PDSS2: variants seen among roughly 807,000 people sequenced by gnomAD.
PDSS2 encodes all trans-polyprenyl-diphosphate synthase PDSS2.
A neutral mutation model predicts 44.5 loss-of-function variants in PDSS2; 31 were observed. That is an observed-to-expected ratio of 0.70 (90% CI 0.52 to 0.94). The LOEUF (loss-of-function observed/expected upper bound fraction) is 0.94, where lower values mean the gene tolerates loss of function less well. Ranked by LOEUF, PDSS2 falls within the 40% of genes least tolerant of loss-of-function variation. The pLI, the probability that PDSS2 is intolerant of heterozygous loss-of-function variation, is 0.00. For synonymous variants in PDSS2, 157 were observed against 180.3 expected (o/e 0.87, Z 1.03); for missense variants, 452 against 482.2 (o/e 0.94, Z 0.59).
intron 7 of PDSS2, among the ~76,000 whole-genome samples, chr6:107,183,570 C>T (rs1471042134): frequency 3.9e-5 from 6 of 152,024 alleles, no homozygotes; most frequent in Non-Finnish European, 7.4e-5. Context: ...TGGTGGCAGG[C>T]GCCTGTAATC....
chr6:107,208,287 T>A (rs1773074444), intron 6 of PDSS2, among the ~76,000 whole-genome samples: 1 of 38,606 alleles, frequency 2.6e-5, no homozygotes, highest in Non-Finnish European at 5.2e-5. Flanking sequence ...TGCCTGGCCT[T>A]TTTTTTTTTT....
intron 2 of PDSS2, among the ~76,000 whole-genome samples, chr6:107,329,847 G>T (rs546421652): frequency 1.3e-4 from 19 of 151,994 alleles, no homozygotes; most frequent in Admixed American, 3.9e-4. Context: ...TCTTTGTGAG[G>T]TATAGAAGCA....
chr6:107,374,644 C>G (rs1307717901), intron 1 of PDSS2, among the ~76,000 whole-genome samples: 1 of 152,210 alleles, frequency 6.6e-6, no homozygotes, highest in African/African-American at 2.4e-5. Context: ...CTTTAATAAA[C>G]AGTCCAAGAA....
rs190600772 is a variant in PDSS2 at position 107,224,007 on chromosome 6, C to A, written c.703-11725G>T. 3.3e-3 allele frequency among the ~76,000 whole-genome samples: 495 copies of A among 151,256 alleles called. 32 individuals carry two copies. Among genetic ancestry groups the A allele is most frequent in the African/African-American group, 0.012 (468 of 40,660 alleles). On this transcript the variant is annotated intron_variant, in intron 4 of 7. Coordinates refer to ENST00000369037, the MANE Select transcript of PDSS2 (RefSeq NM_020381.4). ...CATTAGATTCTCAAAGAAGTGTGAACCCCGTTGTGAACTGTGCATGCCAGG... is the reference window on the plus strand; with the variant it reads ...CATTAGATTCTCAAAGAAGTGTGAAACCCGTTGTGAACTGTGCATGCCAGG...
chr6:107,261,183 C>G (rs1411483938), intron 3 of PDSS2, among the ~76,000 whole-genome samples: 1 of 152,202 alleles, frequency 6.6e-6, no homozygotes, highest in African/African-American at 2.4e-5. Context: ...ATCCTTTCTT[C>G]ACTCCAGCAG....
intron 1 of PDSS2, among the ~76,000 whole-genome samples, chr6:107,448,107 C>G (rs981673967): frequency 1.3e-4 from 20 of 152,240 alleles, no homozygotes; most frequent in Non-Finnish European, 2.2e-4. Flanking sequence ...GGACCTGGCC[C>G]AGGAAACCAT....
chr6:107,202,371 G>A (rs1344636171), intron 6 of PDSS2, among the ~76,000 whole-genome samples: 1 of 151,554 alleles, frequency 6.6e-6, no homozygotes, highest in Non-Finnish European at 1.5e-5. Context: ...GTTCAGGCTG[G>A]CCATCTCTGC....
intron 4 of PDSS2, among the ~76,000 whole-genome samples, chr6:107,225,157 ATATATTTTTTTTTTT>A (rs1185497672): frequency 0.043 from 1,303 of 30,346 alleles, 9 homozygotes; most frequent in Non-Finnish European, 0.054. Flanking sequence ...ATATATATAT[ATATATTTTTTTTTTT>A]TTTTTTTTTT....
intron 1 of PDSS2, among the ~76,000 whole-genome samples, chr6:107,388,596 C>A (rs1388530980): frequency 6.6e-6 from 1 of 152,056 alleles, no homozygotes; most frequent in Non-Finnish European, 1.5e-5. Context: ...GTAGGTGGGA[C>A]TACAGGCGCC....
At chr6:107,279,589 G>T (rs2114969849) in intron 2 of PDSS2, among the ~76,000 whole-genome samples, 1 of 152,268 alleles carries the variant, frequency 6.6e-6, no homozygotes, top group South Asian at 2.1e-4. Context: ...TCCCTGAAAG[G>T]AGGGGGACTG....
chr6:107,431,321 T>C (rs570478727), intron 1 of PDSS2, among the ~76,000 whole-genome samples: 1 of 152,350 alleles, frequency 6.6e-6, no homozygotes, highest in East Asian at 1.9e-4. Flanking sequence ...AGCGCAATCA[T>C]GGCTCACTAC....
At chr6:107,351,809 A>G (rs1778442397) in intron 1 of PDSS2, among the ~76,000 whole-genome samples, 1 of 152,172 alleles carries the variant, frequency 6.6e-6, no homozygotes, top group South Asian at 2.1e-4. Context: ...ATTCTTCCAA[A>G]ATGTTCTTTT....
At chr6:107,159,510 G>A (rs185462135) in intron 7 of PDSS2, among the ~76,000 whole-genome samples, 3 of 149,616 alleles carry the variant, frequency 2.0e-5, no homozygotes, top group Non-Finnish European at 4.4e-5. Flanking sequence ...TCCGCCTCCC[G>A]GGTTCAAGCG....
chr6:107,261,961 T>A (rs1330223895), intron 3 of PDSS2, among the ~76,000 whole-genome samples: 1 of 139,074 alleles, frequency 7.2e-6, no homozygotes, highest in African/African-American at 2.8e-5. Flanking sequence ...CAGGCTGGAG[T>A]GCAGTGGTGC....
chr6:107,188,315 G>A (rs1486167613), intron 7 of PDSS2, among the ~76,000 whole-genome samples: 3 of 151,828 alleles, frequency 2.0e-5, no homozygotes, highest in African/African-American at 7.3e-5. Flanking sequence ...GGAAGCGGAA[G>A]TTTCAGTGAG....
At chr6:107,367,039 G>C (rs1281220242) in intron 1 of PDSS2, among the ~76,000 whole-genome samples, 1 of 151,978 alleles carries the variant, frequency 6.6e-6, no homozygotes, top group Admixed American at 6.6e-5. Context: ...AAATGAAAAT[G>C]ACAGATTAAT....
At chr6:107,352,411 T>C (rs1357092167) in intron 1 of PDSS2, among the ~76,000 whole-genome samples, 1 of 152,210 alleles carries the variant, frequency 6.6e-6, no homozygotes, top group African/African-American at 2.4e-5. Context: ...GATTCTAAAA[T>C]TCTATTAAAA....
intron 1 of PDSS2, among the ~76,000 whole-genome samples, chr6:107,365,833 T>C (rs1043757705): frequency 3.9e-5 from 6 of 152,128 alleles, no homozygotes; most frequent in Admixed American, 3.3e-4. Context: ...ATCATCAGTA[T>C]ATCATAAAGA....
At chr6:107,415,445 A>G (rs1385841599) in intron 1 of PDSS2, among the ~76,000 whole-genome samples, 1 of 152,108 alleles carries the variant, frequency 6.6e-6, no homozygotes, top group Non-Finnish European at 1.5e-5. Context: ...TAGGTGTAAG[A>G]TCCTTGTTCA....
Sources: gnomAD v4.1 joint callset for allele counts (sites outside exome capture counted in the v4.1 genomes callset) on GRCh38, gnomAD v4.1.1 for gene constraint, MANE v1.5 for transcripts, NCBI Gene and HGNC (gene_info 2026-07-23, HGNC 2026-07-21) for gene names.